Variants in NTN4 observed in about 807,000 individuals in gnomAD.
The protein encoded by NTN4 is netrin 4.
In NTN4, 32 loss-of-function variants were observed where a neutral mutation model predicts 73.6. The observed-to-expected ratio is 0.44, with a 90% confidence interval of 0.33 to 0.58. The LOEUF (loss-of-function observed/expected upper bound fraction) is 0.58, where lower values mean the gene tolerates loss of function less well. NTN4 is among the 20% of genes least tolerant of loss of function. NTN4 has a pLI of 0.04. For missense variants in NTN4, 654 were observed against 798.3 expected, an observed-to-expected ratio of 0.82 and a Z score of 2.18; for synonymous variants, 258 against 287.5, an observed-to-expected ratio of 0.90 and a Z score of 1.04.
chr12:95,676,591 A>G (rs567600019), intron 7 of NTN4, among the ~76,000 whole-genome samples: 1 of 152,330 alleles, frequency 6.6e-6, no homozygotes, highest in Non-Finnish European at 1.5e-5. Context: ...AAGGAAATGT[A>G]TAACCTTAAG....
At chr12:95,662,415 G>T (rs576731003) in intron 9 of NTN4, among the ~76,000 whole-genome samples, 2 of 151,854 alleles carry the variant, frequency 1.3e-5, no homozygotes, top group Non-Finnish European at 2.9e-5. Context: ...TTTTCTGTTA[G>T]AGATGGGGTT....
intron 7 of NTN4, chr12:95,673,972 A>G (rs996463788): frequency 2.0e-5 from 3 of 152,170 alleles, no homozygotes; most frequent in African/African-American, 7.2e-5. Flanking sequence ...AATGAGTATA[A>G]TAAAGGAGTT....
At chr12:95,681,863 G>A (rs541284638) in intron 7 of NTN4, among the ~76,000 whole-genome samples, 1 of 152,120 alleles carries the variant, frequency 6.6e-6, no homozygotes, top group South Asian at 2.1e-4. Context: ...TCATTAATTT[G>A]ATTTTTTTGG....
At position 95,692,041 on chromosome 12, in the gene NTN4, C is replaced by CT. The variant is rs565532537; in HGVS notation, c.1181-8331dup. On this transcript the variant is annotated intron_variant, in intron 5 of 9. Coordinates refer to ENST00000343702, the MANE Select transcript of NTN4 (RefSeq NM_021229.4). ...GCATGAGACTTACTTTGAATAGTAC[C>CT]TTTTTTTGGGGGGGACAGAGTTTCG... Among the ~76,000 whole-genome samples the CT allele has an allele frequency of 2.1e-3, 316 of 152,042 alleles. 1 individual carries two copies. Among genetic ancestry groups the CT allele is most frequent in the African/African-American group, 7.1e-3 (293 of 41,494 alleles).
chr12:95,658,766 C>T lies in NTN4; in HGVS notation c.*320G>A, dbSNP rs2078112318. The T allele has an allele frequency of 5.6e-6, 1 of 178,102 alleles. No homozygotes were observed. 11.0% of individuals were successfully genotyped at this position (178,102 alleles called of 1,614,324 possible). On this transcript the variant is annotated 3_prime_UTR_variant, in exon 10 of 10. Transcript: ENST00000343702. The stretch of plus-strand genomic sequence containing the variant: ...AAGTAACATCGCTGAAGCTGGAAGG[C>T]GTCCTTGTTAGAGGTACTGCCCTTA...
chr12:95,778,212 A>G (rs1416667134), intron 2 of NTN4, among the ~76,000 whole-genome samples: 1 of 152,240 alleles, frequency 6.6e-6, no homozygotes, highest in East Asian at 1.9e-4. Flanking sequence ...GAAAGCAGGA[A>G]ATATCTAAAA....
chr12:95,727,345 A>G (rs1249983013), intron 3 of NTN4, among the ~76,000 whole-genome samples: 3 of 152,190 alleles, frequency 2.0e-5, no homozygotes, highest in Non-Finnish European at 2.9e-5. Flanking sequence ...TTTCAAATAT[A>G]TGATTTGAAA....
chr12:95,748,291 A>G (rs1015512489), intron 2 of NTN4, among the ~76,000 whole-genome samples: 20 of 151,262 alleles, frequency 1.3e-4, no homozygotes, highest in African/African-American at 4.8e-4. Flanking sequence ...TCAGCTTATT[A>G]TTTATTCATT....
At chr12:95,748,250 A>G (rs902262688) in intron 2 of NTN4, among the ~76,000 whole-genome samples, 2 of 147,444 alleles carry the variant, frequency 1.4e-5, no homozygotes, top group African/African-American at 5.0e-5. Flanking sequence ...AAAAAAAAAG[A>G]AAAGAAAAGA....
chr12:95,753,818 A>G (rs1454114441), intron 2 of NTN4, among the ~76,000 whole-genome samples: 1 of 152,038 alleles, frequency 6.6e-6, no homozygotes, highest in Admixed American at 6.5e-5. Flanking sequence ...GCTCCTGTAT[A>G]GACGCTCCTT....
chr12:95,749,947 A>G (rs1470555179), intron 2 of NTN4, among the ~76,000 whole-genome samples: 1 of 139,606 alleles, frequency 7.2e-6, no homozygotes. Flanking sequence ...AGGGGCAAGT[A>G]CCCCTCAACC....
intron 7 of NTN4, chr12:95,672,467 G>A (rs2078240475): frequency 7.3e-6 from 11 of 1,503,870 alleles, no homozygotes; most frequent in Non-Finnish European, 9.2e-6. Context: ...TTTGACATCT[G>A]CTTCACCTCA....
At chr12:95,701,921 G>A (rs893591523) in intron 5 of NTN4, among the ~76,000 whole-genome samples, 4 of 152,138 alleles carry the variant, frequency 2.6e-5, no homozygotes, top group Non-Finnish European at 5.9e-5. Context: ...GATGCTGTGA[G>A]GAAGAACATC....
At chr12:95,785,111 T>C (rs2079158290) in intron 2 of NTN4, among the ~76,000 whole-genome samples, 1 of 152,184 alleles carries the variant, frequency 6.6e-6, no homozygotes, top group African/African-American at 2.4e-5. Context: ...CCAGTAGAGA[T>C]TACTATAGTC....
In NTN4 at chr12:95,659,070, G is replaced by T; in HGVS notation, c.*16C>A. 6.2e-7 allele frequency: 1 copy of T among 1,603,784 alleles called. No homozygotes were observed. On this transcript the variant is annotated 3_prime_UTR_variant, in exon 10 of 10. Coordinates refer to ENST00000343702, the MANE Select transcript of NTN4 (RefSeq NM_021229.4). ...TGTACATAGACAAGTGCCATTATGT[G>T]CTATCCATCTTAATGCTACTTGCAC...
intron 7 of NTN4, chr12:95,670,970 ATG>A (rs2078224061): frequency 6.6e-6 from 1 of 151,662 alleles, no homozygotes; most frequent in South Asian, 2.1e-4. Context: ...GTATGTATGT[ATG>A]TATGTATGTA....
At chr12:95,734,444 T>C (rs2078760824) in intron 3 of NTN4, among the ~76,000 whole-genome samples, 2 of 152,214 alleles carry the variant, frequency 1.3e-5, no homozygotes, top group South Asian at 4.1e-4. Flanking sequence ...CAGATGAGGC[T>C]GATGGTGCTG....
Position 95,700,080 on chromosome 12 carries a change from A to ATTTT in NTN4, c.1180+10357_1180+10360dup, listed in dbSNP as rs56063223. Among the ~76,000 whole-genome samples, 70 of 41,818 alleles carry ATTTT rather than the reference A, an allele frequency of 1.7e-3. 7 individuals carry two copies. The highest frequency in any genetic ancestry group is 2.1e-3 in the Non-Finnish European group (48 of 23,310). The allele number at this position is 41,818 out of a possible 152,430, so 27.4% of individuals were successfully genotyped here. A position where few individuals can be genotyped will look rare whatever the true frequency, so the allele number is the denominator to read the frequency against. ...AACAGTGTATTCTTCTAAAGTGAGG[A>ATTTT]TTTTTTTTTTTTTTTTTTTTTTTTT... On this transcript the variant is annotated intron_variant, in intron 5 of 9. Coordinates refer to ENST00000343702, the MANE Select transcript of NTN4 (RefSeq NM_021229.4).
At chr12:95,776,669 T>C (rs1455109972) in intron 2 of NTN4, among the ~76,000 whole-genome samples, 5 of 151,952 alleles carry the variant, frequency 3.3e-5, no homozygotes, top group Non-Finnish European at 7.4e-5. Flanking sequence ...TGTGAAAAGA[T>C]CAAATCTACA....
Sources: gnomAD v4.1 joint callset for allele counts (sites outside exome capture counted in the v4.1 genomes callset) on GRCh38, gnomAD v4.1.1 for gene constraint, MANE v1.5 for transcripts, NCBI Gene and HGNC (gene_info 2026-07-23, HGNC 2026-07-21) for gene names.